Variants in LANCL3 observed in about 807,000 individuals in gnomAD.
The protein encoded by LANCL3 is LanC like family member 3.
LANCL3 carries 19 observed loss-of-function variants against 26.5 expected under a neutral mutation model. The ratio of observed to expected loss-of-function variants is 0.72; its 90% CI spans 0.50 to 1.05. LANCL3 has a LOEUF of 1.05. LANCL3 is among the 50% of genes least tolerant of loss of function. LANCL3 has a pLI of 0.00. For synonymous variants in LANCL3, 160 were observed against 166.6 expected (o/e 0.96, Z 0.30); for missense variants, 318 against 362.7 (o/e 0.88, Z 1.00).
chrX:37,663,094 T>C (rs781991605), intron 3 of LANCL3, among the ~76,000 whole-genome samples: 3 of 112,182 alleles, frequency 2.7e-5, no homozygotes, highest in African/African-American at 9.7e-5. Flanking sequence ...CAGCCTGTGC[T>C]GGGTTGAGAA....
At chrX:37,584,968 A>ACACTCTACTACACATT (rs1556417625) in intron 1 of LANCL3, among the ~76,000 whole-genome samples, 1 of 111,579 alleles carries the variant, frequency 9.0e-6, no homozygotes, top group Non-Finnish European at 1.9e-5. Flanking sequence ...ACTGCTTTAA[A>ACACTCTACTACACATT]TGTGTCCCAG....
chrX:37,580,832 A>G (rs1923873946), intron 1 of LANCL3, among the ~76,000 whole-genome samples: 1 of 111,599 alleles, frequency 9.0e-6, no homozygotes, highest in African/African-American at 3.3e-5. Context: ...CATGGGCAAC[A>G]TTATTATCTC....
chrX:37,614,531 C>T (rs1376265258), intron 1 of LANCL3, among the ~76,000 whole-genome samples: 1 of 111,974 alleles, frequency 8.9e-6, no homozygotes, highest in African/African-American at 3.2e-5. Context: ...CTTTATAAAT[C>T]TTAGGGAGCG....
chrX:37,669,296 G>A (rs1231841344), intron 4 of LANCL3, among the ~76,000 whole-genome samples: 1 of 111,488 alleles, frequency 9.0e-6, no homozygotes, highest in Non-Finnish European at 1.9e-5. Flanking sequence ...CGTGGGCACA[G>A]CTCAGCCTCC....
chrX:37,579,477 A>G lies in LANCL3; in HGVS notation c.573+7034A>G, dbSNP rs371461917. Among the ~76,000 whole-genome samples the G allele has an allele frequency of 2.7e-5, 3 of 111,722 alleles. No homozygotes were observed. In the East Asian group the frequency reaches 8.4e-4, roughly 31 times the overall value. ...GGTTTACAGAGTAGATATGCTGGAA[A>G]AAGGGATGATTCATGCCCCAGGTGG... On this transcript the variant is annotated intron_variant, in intron 1 of 4. Transcript: ENST00000378619.
chrX:37,583,040 G>A (rs1556417288), intron 1 of LANCL3, among the ~76,000 whole-genome samples: 1 of 111,863 alleles, frequency 8.9e-6, no homozygotes, highest in Non-Finnish European at 1.9e-5. Context: ...CATATGGCTA[G>A]CCAGTTTTCC....
intron 1 of LANCL3, among the ~76,000 whole-genome samples, chrX:37,615,283 C>G (rs1410677941): frequency 8.9e-6 from 1 of 111,901 alleles, no homozygotes; most frequent in Non-Finnish European, 1.9e-5. Flanking sequence ...AACAAGCTCC[C>G]AGGTGGTGTT....
At chrX:37,611,236 T>G (rs1450500545) in intron 1 of LANCL3, among the ~76,000 whole-genome samples, 1 of 112,111 alleles carries the variant, frequency 8.9e-6, no homozygotes, top group African/African-American at 3.2e-5. Flanking sequence ...TGAACAAATC[T>G]TTCCATTATC....
Position 37,593,779 on chromosome X carries a change from G to A in LANCL3, c.573+21336G>A, listed in dbSNP as rs1265291340. Among the ~76,000 whole-genome samples, 3 of 112,174 alleles carry A rather than the reference G, an allele frequency of 2.7e-5. No individual in the cohort carries two copies. In the Admixed American group the frequency reaches 2.8e-4, roughly 11 times the overall value. ...CCCCTTCCTGCTCAATGATTAAACAGCGTTGTTGGAGAACATTTATGGAAT... is the reference window on the plus strand; with the variant it reads ...CCCCTTCCTGCTCAATGATTAAACAACGTTGTTGGAGAACATTTATGGAAT... On this transcript the variant is annotated intron_variant, in intron 1 of 4. Coordinates refer to ENST00000378619, the MANE Select transcript of LANCL3 (RefSeq NM_001170331.2).
intron 1 of LANCL3, 143 bp downstream of exon 1, chrX:37,572,586 C>A (rs1173670372): frequency 4.1e-6 from 2 of 488,460 alleles, no homozygotes; most frequent in African/African-American, 4.8e-5. Flanking sequence ...TTCTTCAGTC[C>A]CTTGAGGTCT....
chrX:37,618,528 G>T (rs1051035716), intron 1 of LANCL3, among the ~76,000 whole-genome samples: 23 of 111,959 alleles, frequency 2.1e-4, no homozygotes, highest in Non-Finnish European at 4.1e-4. Flanking sequence ...CAAAGTGTTG[G>T]CAGGGTTGGT....
chrX:37,632,521 G>A lies in LANCL3; in HGVS notation c.574-23167G>A, dbSNP rs1167636400. ...GTGATGTTAGCTGGTTATTTTGCTCGTTAGTTGATGCAGTTTCTTCCTAGT... is the reference window on the plus strand; with the variant it reads ...GTGATGTTAGCTGGTTATTTTGCTCATTAGTTGATGCAGTTTCTTCCTAGT... On this transcript the variant is annotated intron_variant, in intron 1 of 4. Transcript: ENST00000378619. Among the ~76,000 whole-genome samples, 142 of 111,387 alleles carry A rather than the reference G, an allele frequency of 1.3e-3. 1 individual carries two copies. Among genetic ancestry groups the A allele is most frequent in the African/African-American group, 4.5e-3 (136 of 30,447 alleles).
intron 1 of LANCL3, among the ~76,000 whole-genome samples, chrX:37,649,117 G>A (rs1280814477): frequency 2.7e-5 from 3 of 111,353 alleles, no homozygotes; most frequent in Non-Finnish European, 5.7e-5. Flanking sequence ...TATACCCAAA[G>A]GAATATAAAT....
intron 4 of LANCL3, among the ~76,000 whole-genome samples, chrX:37,670,366 T>G: frequency 8.9e-6 from 1 of 111,781 alleles, no homozygotes; most frequent in Admixed American, 9.6e-5. Context: ...TTTCAATCTT[T>G]TCTTTAAAAT....
chrX:37,573,368 A>G (rs781805565), intron 1 of LANCL3, among the ~76,000 whole-genome samples: 1 of 112,267 alleles, frequency 8.9e-6, no homozygotes, highest in South Asian at 3.8e-4. Context: ...GAAGTGACAC[A>G]TTTAACTTGG....
chrX:37,638,278 T>G (rs1925761687), intron 1 of LANCL3, among the ~76,000 whole-genome samples: 1 of 111,042 alleles, frequency 9.0e-6, no homozygotes, highest in Admixed American at 9.6e-5. Flanking sequence ...TTCTTCCAGA[T>G]AGGGGGACAG....
At position 37,577,948 on chromosome X, in the gene LANCL3, A is replaced by G. The variant is rs191498830; in HGVS notation, c.573+5505A>G. On this transcript the variant is annotated intron_variant, in intron 1 of 4. Transcript: ENST00000378619. Reference sequence around the variant, plus strand: ...ATAAAAAGTCATCTAAATAATGAGAACATTTATTACCTCACTTAGCAAGGA... The same window carrying G: ...ATAAAAAGTCATCTAAATAATGAGAGCATTTATTACCTCACTTAGCAAGGA... Among the ~76,000 whole-genome samples, 4 of 111,770 alleles carry G rather than the reference A, an allele frequency of 3.6e-5. No individual in the cohort carries two copies. The East Asian group carries it at 1.1e-3, about 31-fold the overall frequency.
intron 1 of LANCL3, among the ~76,000 whole-genome samples, chrX:37,624,268 T>C (rs1925251130): frequency 8.9e-6 from 1 of 111,924 alleles, no homozygotes. Flanking sequence ...CTCTGCAAGA[T>C]TAAAAATGGT....
intron 1 of LANCL3, among the ~76,000 whole-genome samples, chrX:37,650,739 C>CT (rs1272069189): frequency 4.1e-4 from 42 of 103,247 alleles, no homozygotes; most frequent in East Asian, 1.2e-3. Context: ...TTTTTTTTCT[C>CT]TTTTTTTTTA....
Sources: allele counts gnomAD v4.1 joint callset (sites outside exome capture counted in the v4.1 genomes callset), GRCh38; gene constraint gnomAD v4.1.1; transcripts MANE v1.5; gene names NCBI Gene and HGNC (gene_info 2026-07-23, HGNC 2026-07-21).